STAB2: variants seen among roughly 807,000 people sequenced by gnomAD.
STAB2 encodes the protein stabilin-2.
A neutral mutation model predicts 338.1 loss-of-function variants in STAB2; 288 were observed. That is an observed-to-expected ratio of 0.85 (90% CI 0.77 to 0.94). The LOEUF (loss-of-function observed/expected upper bound fraction) is 0.94, where lower values mean the gene tolerates loss of function less well. Among genes scored for constraint, STAB2 ranks in the 40% least tolerant of loss-of-function variants. The probability of loss-of-function intolerance (pLI) is 0.00; values close to 1 mark genes in which losing one functional copy is unlikely to be tolerated. For synonymous variants in STAB2, 1,202 were observed against 1,193.3 expected (o/e 1.01, Z -0.15); for missense variants, 3,141 against 3,210.1 (o/e 0.98, Z 0.52).
At chr12:103,762,137 T>G in intron 66 of STAB2, 137 bp from the exon 67 acceptor site, 1 of 1,189,310 alleles carries the variant, frequency 8.4e-7, no homozygotes, top group Non-Finnish European at 1.2e-6. Context: ...ACCCTGGCAG[T>G]AATAAGGGCC....
intron 60 of STAB2, 112 bp downstream of exon 60, chr12:103,750,832 T>G (rs1282803794): frequency 6.5e-6 from 9 of 1,394,314 alleles, no homozygotes; most frequent in Middle Eastern, 2.5e-4. Flanking sequence ...GGCTCAAGCC[T>G]GTAATCCCAA....
chr12:103,718,006 G>A (rs1307623248), intron 44 of STAB2, among the ~76,000 whole-genome samples, 165 bp downstream of exon 44: 1 of 152,132 alleles, frequency 6.6e-6, no homozygotes, highest in African/African-American at 2.4e-5. Context: ...GTAATGTTGG[G>A]GAGAAAAGAG....
intron 5 of STAB2, among the ~76,000 whole-genome samples, chr12:103,624,245 C>G (rs115722221): frequency 6.6e-6 from 1 of 152,238 alleles, no homozygotes; most frequent in Admixed American, 6.5e-5. Context: ...GTACCTTCTA[C>G]GTGCTGCCTG....
rs778798967 is a variant in STAB2, at chr12:103,731,647, G to A, written c.5283+12G>A. 1.2e-6 allele frequency: 2 copies of A among 1,610,336 alleles called. No individual in the cohort carries two copies. Among genetic ancestry groups the A allele is most frequent in the African/African-American group, 2.7e-5 (2 of 74,784 alleles). On this transcript the variant is annotated intron_variant, in intron 50 of 68. Transcript: ENST00000388887. ...GCAACTTAATACAGGTAAAAATTTA[G>A]GGGAAGTTGACTCAGAGGATAACCT...
chr12:103,691,146 A>T lies in STAB2; in HGVS notation c.3297+608A>T, dbSNP rs1877901898. On this transcript the variant is annotated intron_variant, in intron 30 of 68. Transcript: ENST00000388887. The stretch of plus-strand genomic sequence containing the variant: ...AGTGTGTCAAAGACTCAGATTCAGA[A>T]TTCTGTGAGGGAGTCTGGCCGCCCT... Among the ~76,000 whole-genome samples, 4 of 152,240 alleles carry T rather than the reference A, an allele frequency of 2.6e-5. No homozygotes were observed. In the South Asian group the frequency reaches 8.3e-4, roughly 31 times the overall value.
chr12:103,755,755 GA>G (rs1884058055), intron 63 of STAB2, 37 bp downstream of exon 63: 1 of 1,606,224 alleles, frequency 6.2e-7, no homozygotes, highest in African/African-American at 1.3e-5. Flanking sequence ...CTCAGGCAGG[GA>G]GGGGTTGCCT....
intron 34 of STAB2, among the ~76,000 whole-genome samples, chr12:103,700,259 A>C (rs1878746538): frequency 6.6e-6 from 1 of 152,264 alleles, no homozygotes; most frequent in African/African-American, 2.4e-5. Flanking sequence ...TCATAATTTT[A>C]ATGTAAATTA....
chr12:103,766,361 ATCAC>A lies in STAB2; in HGVS notation c.*31_*34del. 6.3e-7 allele frequency: 1 copy of A among 1,594,206 alleles called. No homozygotes were observed. Among genetic ancestry groups the A allele is most frequent in the Non-Finnish European group, 8.6e-7 (1 of 1,168,852 alleles). ...AGGGCCTGGACGGGAGATGCCAGCC[ATCAC>A]TCACTGCCACCTGGGCCATCAACTG... On this transcript the variant is annotated 3_prime_UTR_variant, in exon 69 of 69. Transcript: ENST00000388887.
Position 103,713,509 on chromosome 12 carries a change from G to A in STAB2, c.4412-134G>A. Reference sequence around the variant, plus strand: ...TGTTTTACTTGCTCTCTGTTTTTGGGAATTGGCCATATTTAATCCAGTGCC... The same window carrying A: ...TGTTTTACTTGCTCTCTGTTTTTGGAAATTGGCCATATTTAATCCAGTGCC... On this transcript the variant is annotated intron_variant, in intron 41 of 68. Coordinates refer to ENST00000388887, the MANE Select transcript of STAB2 (RefSeq NM_017564.10). 3.0e-6 allele frequency: 4 copies of A among 1,324,844 alleles called. No homozygotes were observed. In the South Asian group the frequency reaches 4.0e-5, roughly 13 times the overall value. The allele number at this position is 1,324,844 out of a possible 1,614,324, so 82.1% of individuals were successfully genotyped here.
intron 43 of STAB2, 51 bp downstream of exon 43, chr12:103,715,939 G>T: frequency 6.3e-7 from 1 of 1,589,434 alleles, no homozygotes; most frequent in Non-Finnish European, 8.6e-7. Context: ...GGAACTCCTA[G>T]GTCTTTAGAC....
intron 56 of STAB2, among the ~76,000 whole-genome samples, 183 bp downstream of exon 56, chr12:103,742,737 A>T (rs1010824555): frequency 2.6e-5 from 4 of 152,138 alleles, no homozygotes; most frequent in Non-Finnish European, 5.9e-5. Context: ...CCAATGAAAA[A>T]GCTTCGCCTC....
chr12:103,692,932 C>A, intron 31 of STAB2, 43 bp downstream of exon 31: 1 of 1,558,506 alleles, frequency 6.4e-7, no homozygotes, highest in South Asian at 1.1e-5. Flanking sequence ...TCTCTTTTCC[C>A]TTTGTTGTTT....
intron 61 of STAB2, among the ~76,000 whole-genome samples, chr12:103,753,695 T>C (rs1023483779): frequency 6.6e-6 from 1 of 152,220 alleles, no homozygotes. Flanking sequence ...AGATCCAATA[T>C]TTAAGGGTAG....
intron 6 of STAB2, among the ~76,000 whole-genome samples, chr12:103,631,954 A>G (rs917623410): frequency 6.6e-6 from 1 of 152,234 alleles, no homozygotes; most frequent in Admixed American, 6.5e-5. Flanking sequence ...ACTGGAGGCC[A>G]GGTGAAGGGT....
At chr12:103,703,078 C>G in intron 34 of STAB2, 70 bp from the exon 35 acceptor site, 1 of 1,537,188 alleles carries the variant, frequency 6.5e-7, no homozygotes. Flanking sequence ...TATTGCTAAC[C>G]TCCACTTCCT....
At chr12:103,701,042 C>T (rs1362533545) in intron 34 of STAB2, among the ~76,000 whole-genome samples, 1 of 144,786 alleles carries the variant, frequency 6.9e-6, no homozygotes, top group African/African-American at 2.6e-5. Flanking sequence ...TGTGATGTTC[C>T]CCTTCCTGTG....
chr12:103,740,666 A>G lies in STAB2; in HGVS notation c.5791A>G (p.Lys1931Glu). The change falls in exon 55 of 69, where the codon AAG becomes GAG. Residue 1931 changes from lysine to glutamate, a missense_variant. Coordinates refer to ENST00000388887, the MANE Select transcript of STAB2 (RefSeq NM_017564.10). ...GAAGTGTCTCTACAACCTGCCCTTC[A>G]AGAGGAACCTGGAAGGCTGCCGGGA... is the stretch of plus-strand genomic sequence containing the variant. ...KQKCLYNLPF[K>E]RNLEGCRERC... 2 of 1,612,192 alleles carry G rather than the reference A, an allele frequency of 1.2e-6. No individual in the cohort carries two copies. The highest frequency in any genetic ancestry group is 1.1e-5 in the South Asian group (1 of 90,660).
At chr12:103,722,600 T>C (rs1880852762) in intron 44 of STAB2, among the ~76,000 whole-genome samples, 1 of 152,212 alleles carries the variant, frequency 6.6e-6, no homozygotes, top group African/African-American at 2.4e-5. Flanking sequence ...CACTTTACCC[T>C]GGAAAATTTT....
In STAB2 at chr12:103,655,600, T is replaced by C; in HGVS notation, c.1734+19T>C. On this transcript the variant is annotated intron_variant, in intron 15 of 68. Transcript: ENST00000388887. Reference sequence around the variant, plus strand: ...TCCAGAGGTACCGTATTCTGCTTGCTCTGATGGCATCGTGTCAGCAGCACT... The same window carrying C: ...TCCAGAGGTACCGTATTCTGCTTGCCCTGATGGCATCGTGTCAGCAGCACT... The C allele has an allele frequency of 1.2e-6, 2 of 1,612,860 alleles. No individual in the cohort carries two copies. The highest frequency in any genetic ancestry group is 1.7e-5 in the Admixed American group (1 of 59,934).
Sources: gnomAD v4.1 joint callset for allele counts (sites outside exome capture counted in the v4.1 genomes callset) on GRCh38, gnomAD v4.1.1 for gene constraint, MANE v1.5 for transcripts, NCBI Gene and HGNC (gene_info 2026-07-23, HGNC 2026-07-21) for gene names.